ASB4: variants seen among roughly 807,000 people sequenced by gnomAD.
ASB4 encodes the protein ankyrin repeat and SOCS box containing 4, also known as ankyrin repeat and SOCS box protein 4.
In ASB4, 35 loss-of-function variants were observed where a neutral mutation model predicts 38.6. The ratio of observed to expected loss-of-function variants is 0.91; its 90% CI spans 0.69 to 1.20. ASB4 has a LOEUF of 1.20. Among genes scored for constraint, ASB4 ranks in the 50% most tolerant of loss-of-function variants. The pLI is 0.00. For missense variants in ASB4, 557 were observed against 527.2 expected, an observed-to-expected ratio of 1.06 and a Z score of -0.55; for synonymous variants, 195 against 201.3, an observed-to-expected ratio of 0.97 and a Z score of 0.26.
At chr7:95,484,577 A>G (rs936745747), upstream of ASB4, among the ~76,000 whole-genome samples, 1 of 152,220 alleles carries the variant, frequency 6.6e-6, no homozygotes, top group African/African-American at 2.4e-5. Context: ...GTTTAAAATT[A>G]TGTTGTGATT....
At chr7:95,548,932 G>A in the ASB4 span, among the ~76,000 whole-genome samples, 1 of 152,098 alleles carries the variant, frequency 6.6e-6, no homozygotes, top group Non-Finnish European at 1.5e-5. Context: ...CTGTAGTATA[G>A]ACAGATTATG....
intron 1 of ASB4, among the ~76,000 whole-genome samples, chr7:95,495,319 A>C (rs1428596532): frequency 6.6e-6 from 1 of 152,218 alleles, no homozygotes; most frequent in Non-Finnish European, 1.5e-5. Flanking sequence ...TAAAAATTAT[A>C]AGCTTGCAAC....
At chr7:95,486,549 A>G (rs1350722729) in intron 1 of ASB4, among the ~76,000 whole-genome samples, 1 of 152,216 alleles carries the variant, frequency 6.6e-6, no homozygotes. Flanking sequence ...CACGCTGCTA[A>G]TTCTCCATTA....
chr7:95,494,238 T>C (rs1386605276), intron 1 of ASB4, among the ~76,000 whole-genome samples: 3 of 152,210 alleles, frequency 2.0e-5, no homozygotes, highest in Non-Finnish European at 4.4e-5. Flanking sequence ...CCTCTAGTAG[T>C]TCATCATTTC....
Position 95,509,853 on chromosome 7 carries a change from G to A in ASB4, c.487+13796G>A, listed in dbSNP as rs969098973. On this transcript the variant is annotated intron_variant, in intron 2 of 4. Transcript: ENST00000325885. ...CTCCTTATTTAAAAAATGAGGAATC[G>A]GAGACTCAGATAAGTTGAATCAGGC... Among the ~76,000 whole-genome samples the A allele has an allele frequency of 2.8e-4, 42 of 152,056 alleles. 1 individual carries two copies. Among genetic ancestry groups the A allele is most frequent in the Non-Finnish European group, 7.4e-5 (5 of 68,026 alleles).
At chr7:95,528,683 G>T (rs1232143833) in intron 3 of ASB4, 4 of 1,103,440 alleles carry the variant, frequency 3.6e-6, no homozygotes, top group Middle Eastern at 4.0e-4. Flanking sequence ...AGCCTGCTTT[G>T]AAATTAGCTT....
At chr7:95,521,978 GTAA>G (rs1790669502) in intron 2 of ASB4, among the ~76,000 whole-genome samples, 1 of 151,930 alleles carries the variant, frequency 6.6e-6, no homozygotes, top group Non-Finnish European at 1.5e-5. Context: ...AGCAAATATG[GTAA>G]TAATTAAATT....
chr7:95,500,317 G>A (rs1030734485), intron 2 of ASB4, among the ~76,000 whole-genome samples: 1 of 152,046 alleles, frequency 6.6e-6, no homozygotes, highest in African/African-American at 2.4e-5. Flanking sequence ...TGTAATCCCA[G>A]AACTTTGGGG....
At chr7:95,495,166 C>A (rs1790226013) in intron 1 of ASB4, among the ~76,000 whole-genome samples, 1 of 152,020 alleles carries the variant, frequency 6.6e-6, no homozygotes, top group Non-Finnish European at 1.5e-5. Flanking sequence ...TGAGAGTTGC[C>A]TTAAATTCGT....
chr7:95,520,805 C>T (rs1437654369), intron 2 of ASB4, among the ~76,000 whole-genome samples: 1 of 152,088 alleles, frequency 6.6e-6, no homozygotes, highest in East Asian at 1.9e-4. Flanking sequence ...GCTTTACGTT[C>T]TATTTCATTG....
chr7:95,526,658 A>G (rs144703539), intron 2 of ASB4, among the ~76,000 whole-genome samples: 15 of 152,326 alleles, frequency 9.8e-5, no homozygotes, highest in African/African-American at 3.6e-4. Flanking sequence ...GCAAAGGATT[A>G]CTTGGAAGGT....
At chr7:95,526,168 G>A (rs1238651772) in intron 2 of ASB4, among the ~76,000 whole-genome samples, 5 of 152,230 alleles carry the variant, frequency 3.3e-5, no homozygotes, top group South Asian at 2.1e-4. Context: ...AAGGAATTTC[G>A]AAGCCAGTCT....
intron 2 of ASB4, among the ~76,000 whole-genome samples, chr7:95,515,863 A>G (rs1396543087): frequency 2.6e-5 from 4 of 152,212 alleles, no homozygotes; most frequent in Non-Finnish European, 4.4e-5. Context: ...CTGCCACTCA[A>G]AAAAGTAGGC....
intron 2 of ASB4, among the ~76,000 whole-genome samples, chr7:95,511,151 C>T (rs935822242): frequency 3.3e-5 from 5 of 152,110 alleles, no homozygotes; most frequent in African/African-American, 2.4e-5. Flanking sequence ...CAAGCACATG[C>T]CAGCTTCTTG....
chr7:95,472,892 G>T, the ASB4 span, among the ~76,000 whole-genome samples: 2 of 152,084 alleles, frequency 1.3e-5, no homozygotes, highest in African/African-American at 4.8e-5. Flanking sequence ...CTATAGTTAA[G>T]ATTTGCCAAA....
downstream of ASB4, chr7:95,542,501 G>A (rs946095101): frequency 6.6e-6 from 1 of 152,198 alleles, no homozygotes; most frequent in African/African-American, 2.4e-5. Flanking sequence ...CACGATCTCG[G>A]CTCATTGCAA....
chr7:95,537,484 A>G, intron 4 of ASB4, 87 bp from the exon 5 acceptor site: 1 of 1,192,772 alleles, frequency 8.4e-7, no homozygotes, highest in Non-Finnish European at 1.2e-6. Context: ...GCCATTACGT[A>G]TAGAGGTTAG....
chr7:95,494,193 G>A (rs1267485993), intron 1 of ASB4, among the ~76,000 whole-genome samples: 2 of 152,092 alleles, frequency 1.3e-5, no homozygotes, highest in Non-Finnish European at 2.9e-5. Flanking sequence ...TGATCACCAG[G>A]CCCACTTTTA....
intron 2 of ASB4, among the ~76,000 whole-genome samples, chr7:95,521,649 T>C (rs1288973093): frequency 6.6e-6 from 1 of 150,754 alleles, no homozygotes; most frequent in African/African-American, 2.4e-5. Flanking sequence ...AGCTAAACTG[T>C]GGTTTATACA....
Sources: allele counts gnomAD v4.1 joint callset (sites outside exome capture counted in the v4.1 genomes callset), GRCh38; gene constraint gnomAD v4.1.1; transcripts MANE v1.5; gene names NCBI Gene and HGNC (gene_info 2026-07-23, HGNC 2026-07-21).